Variants in SEPTIN7 observed in about 807,000 individuals in gnomAD.
SEPTIN7 encodes septin-7.
SEPTIN7 carries 10 observed loss-of-function variants against 63.3 expected under a neutral mutation model. That is an observed-to-expected ratio of 0.16 (90% CI 0.10 to 0.27). SEPTIN7 has a LOEUF of 0.27. SEPTIN7 is among the 10% of genes least tolerant of loss of function. SEPTIN7 has a pLI of 1.00. For missense variants in SEPTIN7, 310 were observed against 521.0 expected (o/e 0.59, Z 3.94); for synonymous variants, 131 against 165.3 (o/e 0.79, Z 1.59).
chr7:35,815,244 T>G lies in SEPTIN7; in HGVS notation c.61+13974T>G, dbSNP rs185443312. 752 of 384,172 alleles carry G rather than the reference T, an allele frequency of 2.0e-3. 14 individuals are homozygous for G. In the Admixed American group the frequency reaches 0.024, roughly 12 times the overall value. 23.8% of individuals were successfully genotyped at this position (384,172 alleles called of 1,614,324 possible). A position where few individuals can be genotyped will look rare whatever the true frequency, so the allele number is the denominator to read the frequency against. ...TCCAGCAACCTTTTTTTGAGAGTAG[T>G]GATTAAGAACCAAGATCTGGGCACC... On this transcript the variant is annotated intron_variant, in intron 1 of 13. Transcript: ENST00000350320.
intron 11 of SEPTIN7, among the ~76,000 whole-genome samples, chr7:35,896,565 A>T (rs901828284): frequency 3.9e-5 from 6 of 152,208 alleles, no homozygotes; most frequent in African/African-American, 1.4e-4. Context: ...AGGCAACTGT[A>T]TTAAAAACAC....
At chr7:35,815,176 A>G in intron 1 of SEPTIN7, 1 of 445,022 alleles carries the variant, frequency 2.2e-6, no homozygotes, top group South Asian at 1.6e-5. Context: ...TTCATCTTGT[A>G]TTTTTCGTGC....
intron 1 of SEPTIN7, 143 bp downstream of exon 1, chr7:35,801,413 G>A (rs1787959464): frequency 1.9e-6 from 2 of 1,041,172 alleles, no homozygotes; most frequent in South Asian, 1.9e-5. Context: ...GGCCACTGCG[G>A]GCCCGGGGCG....
intron 4 of SEPTIN7, among the ~76,000 whole-genome samples, chr7:35,864,065 C>T (rs558152192): frequency 1.3e-5 from 2 of 151,268 alleles, no homozygotes; most frequent in Non-Finnish European, 2.9e-5. Context: ...TTTTGCAGCA[C>T]GTATATGAAG....
Position 35,904,462 on chromosome 7 carries a change from T to C in SEPTIN7, c.*169T>C. On this transcript the variant is annotated 3_prime_UTR_variant, in exon 14 of 14. Coordinates refer to ENST00000350320, the MANE Select transcript of SEPTIN7 (RefSeq NM_001788.6). ...TGTTCTTGATGGAGATTAAGATGCC[T>C]TGAATTGTCTAGGGTGTTCTGTACT... 1 of 502,828 alleles carries C rather than the reference T, an allele frequency of 2.0e-6. No individual in the cohort carries two copies. The highest frequency in any genetic ancestry group is 5.0e-4 in the Middle Eastern group (1 of 1,982). 31.1% of individuals were successfully genotyped at this position (502,828 alleles called of 1,614,324 possible).
At chr7:35,850,087 A>G (rs1357021615) in intron 3 of SEPTIN7, among the ~76,000 whole-genome samples, 3 of 152,228 alleles carry the variant, frequency 2.0e-5, no homozygotes, top group Admixed American at 1.3e-4. Flanking sequence ...AGCTTCTTCA[A>G]AGTATTCTTG....
chr7:35,801,233 T>G lies in SEPTIN7; in HGVS notation c.24T>G (p.Ala8=), dbSNP rs747379998. The G allele has an allele frequency of 9.4e-5, 145 of 1,534,650 alleles. No individual in the cohort carries two copies. The South Asian group carries it at 1.1e-3, about 12-fold the overall frequency. MSVSARS[A]AAEERSVNSS... is the part of the protein sequence containing the mutation. ...GGATGTCGGTCAGTGCGAGATCCGC[T>G]GCTGCTGAGGAGAGGAGCGTCAACA... The change falls in exon 1 of 14, where the codon GCT becomes GCG. Residue 8 remains alanine (A), a synonymous_variant. Transcript: ENST00000350320.
chr7:35,816,642 A>G (rs1267437176), intron 1 of SEPTIN7, among the ~76,000 whole-genome samples: 7 of 152,178 alleles, frequency 4.6e-5, no homozygotes, highest in East Asian at 1.9e-4. Flanking sequence ...GTTTAACTCT[A>G]TGAAGAACTG....
intron 1 of SEPTIN7, among the ~76,000 whole-genome samples, chr7:35,808,371 A>G (rs1289430470): frequency 6.6e-6 from 1 of 152,010 alleles, no homozygotes; most frequent in African/African-American, 2.4e-5. Flanking sequence ...TATTTCCCAC[A>G]TGTTTTTTTC....
chr7:35,842,348 G>GAAAA (rs35707107), intron 3 of SEPTIN7, among the ~76,000 whole-genome samples: 1 of 143,528 alleles, frequency 7.0e-6, no homozygotes. Flanking sequence ...CTTTGTTTTT[G>GAAAA]AAAAAAAAAA....
chr7:35,880,932 C>T (rs143775221), intron 7 of SEPTIN7, among the ~76,000 whole-genome samples: 9 of 151,940 alleles, frequency 5.9e-5, no homozygotes, highest in Admixed American at 5.9e-4. Context: ...AATTCTGGAA[C>T]CTTTCTCTAT....
chr7:35,902,988 C>T, intron 12 of SEPTIN7, 88 bp from the exon 13 acceptor site: 10 of 1,440,450 alleles, frequency 6.9e-6, no homozygotes, highest in East Asian at 2.6e-5. Context: ...AGTGCTCATA[C>T]TCCTTATCAT....
chr7:35,880,184 CT>C (rs1786748512), intron 7 of SEPTIN7, among the ~76,000 whole-genome samples: 2 of 126,018 alleles, frequency 1.6e-5, no homozygotes, highest in South Asian at 4.9e-4. Context: ...GAATTATTTT[CT>C]TTTTTCTTTT....
Position 35,882,510 on chromosome 7 carries a change from A to C in SEPTIN7, c.657A>C (p.Lys219Asn). The change falls in exon 8 of 14, where the codon AAA (lysine) becomes AAC (asparagine). Residue 219 changes from lysine (K) to asparagine (N), a missense_variant. By Grantham distance (94) the Lys-to-Asn change is moderately conservative. Coordinates refer to ENST00000350320, the MANE Select transcript of SEPTIN7 (RefSeq NM_001788.6). ...KQIMKEIQEH[K>N]IKIYEFPETD... The stretch of plus-strand genomic sequence containing the variant: ...TAATGAAAGAAATCCAAGAACATAA[A>C]ATTAAAATATACGAATTTCCAGAAA... The C allele has an allele frequency of 6.8e-7, 1 of 1,477,502 alleles. No individual in the cohort carries two copies. 91.5% of individuals were successfully genotyped at this position (1,477,502 alleles called of 1,614,324 possible). A position where few individuals can be genotyped will look rare whatever the true frequency, so the allele number is the denominator to read the frequency against.
intron 1 of SEPTIN7, chr7:35,802,175 G>T: frequency 8.5e-6 from 2 of 235,200 alleles, no homozygotes; most frequent in Non-Finnish European, 1.9e-5. Flanking sequence ...TTCTCTTAAC[G>T]AGCCCTTTCA....
At chr7:35,819,530 A>G (rs530373180) in intron 1 of SEPTIN7, among the ~76,000 whole-genome samples, 56 of 152,186 alleles carry the variant, frequency 3.7e-4, no homozygotes, top group African/African-American at 1.3e-3. Context: ...CGTTATTGAA[A>G]GTAGGGTGTT....
At chr7:35,880,543 C>T (rs1371851347) in intron 7 of SEPTIN7, among the ~76,000 whole-genome samples, 2 of 151,730 alleles carry the variant, frequency 1.3e-5, no homozygotes, top group African/African-American at 4.8e-5. Context: ...CTGCTCAAAT[C>T]CTTTGTCTTT....
At chr7:35,806,712 A>G (rs1321931968) in intron 1 of SEPTIN7, among the ~76,000 whole-genome samples, 1 of 152,136 alleles carries the variant, frequency 6.6e-6, no homozygotes, top group Non-Finnish European at 1.5e-5. Flanking sequence ...CCAGGTAACC[A>G]CTGATAAGAT....
intron 3 of SEPTIN7, among the ~76,000 whole-genome samples, chr7:35,854,629 C>T (rs10232178): frequency 6.6e-6 from 1 of 152,014 alleles, no homozygotes; most frequent in Admixed American, 6.5e-5. Flanking sequence ...GCCTGCCTCT[C>T]ATTTACTCTG....
Sources: gnomAD v4.1 joint callset for allele counts (sites outside exome capture counted in the v4.1 genomes callset) on GRCh38, gnomAD v4.1.1 for gene constraint, MANE v1.5 for transcripts, NCBI Gene and HGNC (gene_info 2026-07-23, HGNC 2026-07-21) for gene names.